TENM3: variants seen among roughly 807,000 people sequenced by gnomAD.
TENM3 encodes the protein teneurin transmembrane protein 3.
TENM3 carries 63 observed loss-of-function variants against 255.1 expected under a neutral mutation model. That is an observed-to-expected ratio of 0.25 (90% CI 0.20 to 0.30). The LOEUF (loss-of-function observed/expected upper bound fraction) is 0.30, where lower values mean the gene tolerates loss of function less well. Among genes scored for constraint, TENM3 ranks in the 10% least tolerant of loss-of-function variants. The pLI is 1.00. For synonymous variants in TENM3, 1,306 were observed against 1,322.3 expected (o/e 0.99, Z 0.27); for missense variants, 2,929 against 3,461.1 (o/e 0.85, Z 3.86).
chr4:182,265,681 T>G (rs1324900156), intron 1 of TENM3, among the ~76,000 whole-genome samples: 1 of 152,190 alleles, frequency 6.6e-6, no homozygotes, highest in East Asian at 1.9e-4. Flanking sequence ...AAATAAAACA[T>G]CTTACAACTA....
At chr4:181,503,599 A>G in the TENM3 span, among the ~76,000 whole-genome samples, 3 of 152,168 alleles carry the variant, frequency 2.0e-5, no homozygotes, top group East Asian at 5.8e-4. Flanking sequence ...TCCATAAACT[A>G]TTCTGACCCA....
At chr4:182,690,455 T>C (rs1312231648) in intron 12 of TENM3, among the ~76,000 whole-genome samples, 1 of 152,204 alleles carries the variant, frequency 6.6e-6, no homozygotes, top group African/African-American at 2.4e-5. Flanking sequence ...AATGCCTATA[T>C]ACCAGAGGCA....
the TENM3 span, among the ~76,000 whole-genome samples, chr4:181,579,872 G>A: frequency 6.6e-6 from 1 of 152,054 alleles, no homozygotes; most frequent in Admixed American, 6.6e-5. Context: ...AGTTCAAGGT[G>A]CCCAGGACCA....
At chr4:181,487,869 C>T in the TENM3 span, among the ~76,000 whole-genome samples, 2 of 152,122 alleles carry the variant, frequency 1.3e-5, no homozygotes, top group Non-Finnish European at 2.9e-5. Context: ...ACACTGCTAG[C>T]AGGACCTGCC....
chr4:182,024,406 G>A, the TENM3 span, among the ~76,000 whole-genome samples: 3 of 151,990 alleles, frequency 2.0e-5, no homozygotes, highest in African/African-American at 7.3e-5. Context: ...TATGGGGATG[G>A]GTAAATCTGG....
At chr4:182,661,072 A>G (rs1450359073) in intron 6 of TENM3, among the ~76,000 whole-genome samples, 1 of 152,216 alleles carries the variant, frequency 6.6e-6, no homozygotes, top group Non-Finnish European at 1.5e-5. Context: ...GACTTCTCCA[A>G]TCAAAAGAAC....
chr4:182,405,766 G>A (rs556599522), intron 3 of TENM3, among the ~76,000 whole-genome samples: 11 of 152,116 alleles, frequency 7.2e-5, no homozygotes, highest in Non-Finnish European at 1.6e-4. Flanking sequence ...ATACTGATGA[G>A]TATGTTAGGA....
At chr4:181,739,430 C>G in the TENM3 span, among the ~76,000 whole-genome samples, 1 of 152,182 alleles carries the variant, frequency 6.6e-6, no homozygotes, top group South Asian at 2.1e-4. Context: ...TACTTGCTTT[C>G]ATATATGACA....
At chr4:182,464,992 G>A (rs780351533) in intron 3 of TENM3, among the ~76,000 whole-genome samples, 1 of 151,996 alleles carries the variant, frequency 6.6e-6, no homozygotes, top group South Asian at 2.1e-4. Flanking sequence ...TGTCTTTAAA[G>A]GTTCTTTGGC....
the TENM3 span, among the ~76,000 whole-genome samples, chr4:181,483,424 G>T: frequency 6.6e-6 from 1 of 152,124 alleles, no homozygotes; most frequent in Admixed American, 6.6e-5. Flanking sequence ...GATTAAATCC[G>T]TAGCTTTAAT....
chr4:182,688,272 C>A lies in TENM3; in HGVS notation c.2142C>A (p.Pro714=), dbSNP rs779792841. The A allele has an allele frequency of 1.9e-6, 3 of 1,613,924 alleles. No individual in the cohort carries two copies. The highest frequency in any genetic ancestry group is 1.3e-5 in the African/African-American group (1 of 75,034). The change falls in exon 12 of 28, where the codon CCC becomes CCA. Residue 714 remains proline (P), a synonymous_variant. Transcript: ENST00000511685. ...CCTGTAATCAGAGAGCCTGCCACCCCCGCTGTGCCGAGCACGGGACCTGCA... is the reference window on the plus strand; with the variant it reads ...CCTGTAATCAGAGAGCCTGCCACCCACGCTGTGCCGAGCACGGGACCTGCA... The part of the protein sequence containing the change: ...GPACNQRACH[P]RCAEHGTCKD...
chr4:181,857,764 A>C, the TENM3 span, among the ~76,000 whole-genome samples: 1 of 147,864 alleles, frequency 6.8e-6, no homozygotes. Context: ...TCCCCCAAAC[A>C]AAAAAAAAAG....
the TENM3 span, among the ~76,000 whole-genome samples, chr4:182,122,458 A>G: frequency 6.6e-6 from 1 of 152,220 alleles, no homozygotes; most frequent in African/African-American, 2.4e-5. Flanking sequence ...TGCAGAATGG[A>G]TGTGGTATTA....
the TENM3 span, among the ~76,000 whole-genome samples, chr4:181,631,311 C>T: frequency 2.0e-5 from 3 of 150,584 alleles, no homozygotes; most frequent in Admixed American, 6.6e-5. Context: ...TTTTTTTAGA[C>T]GAAGTTTCTC....
chr4:181,515,842 C>T, the TENM3 span, among the ~76,000 whole-genome samples: 1 of 152,262 alleles, frequency 6.6e-6, no homozygotes, highest in African/African-American at 2.4e-5. Context: ...AATCCCCTTA[C>T]TGGGAATATA....
the TENM3 span, among the ~76,000 whole-genome samples, chr4:181,796,717 C>A: frequency 6.6e-6 from 1 of 152,164 alleles, no homozygotes; most frequent in Non-Finnish European, 1.5e-5. Context: ...TCAGCAGGAG[C>A]GAGTTCATGA....
chr4:182,308,589 C>T (rs772417772), intron 1 of TENM3, among the ~76,000 whole-genome samples: 1 of 152,190 alleles, frequency 6.6e-6, no homozygotes, highest in African/African-American at 2.4e-5. Flanking sequence ...ATCCTCCTGC[C>T]TCAGCCTCCT....
At chr4:181,843,716 C>CTTTT in the TENM3 span, among the ~76,000 whole-genome samples, 42 of 104,666 alleles carry the variant, frequency 4.0e-4, no homozygotes, top group East Asian at 1.7e-3. Flanking sequence ...TAAGGGCCTT[C>CTTTT]TTTTTTTTTT....
chr4:182,760,723 C>T (rs189543853), intron 22 of TENM3, among the ~76,000 whole-genome samples: 9 of 152,242 alleles, frequency 5.9e-5, no homozygotes, highest in Non-Finnish European at 1.2e-4. Context: ...TATTGTCCCT[C>T]ATTCAAGCTT....
Sources: allele counts gnomAD v4.1 joint callset (sites outside exome capture counted in the v4.1 genomes callset), GRCh38; gene constraint gnomAD v4.1.1; transcripts MANE v1.5; gene names NCBI Gene and HGNC (gene_info 2026-07-23, HGNC 2026-07-21).